The following KCNH8 variants were observed in gnomAD, a reference collection of about 807,000 sequenced individuals.
The protein encoded by KCNH8 is voltage-gated delayed rectifier potassium channel KCNH8.
A neutral mutation model predicts 103.6 loss-of-function variants in KCNH8; 70 were observed. The observed-to-expected ratio is 0.68, with a 90% CI of 0.56 to 0.82. KCNH8 has a LOEUF of 0.82. KCNH8 is among the 40% of genes least tolerant of loss of function. The pLI, the probability that KCNH8 is intolerant of heterozygous loss-of-function variation, is 0.00. For missense variants in KCNH8, 1,217 were observed against 1,329.9 expected (o/e 0.92, Z 1.32); for synonymous variants, 498 against 489.4 (o/e 1.02, Z -0.23).
In KCNH8 at chr3:19,438,155, C is replaced by T. The variant is rs1285031163; in HGVS notation, c.1178-9C>T. The T allele has an allele frequency of 1.8e-5, 29 of 1,611,924 alleles. No individual in the cohort carries two copies. Among genetic ancestry groups the T allele is most frequent in the Non-Finnish European group, 2.3e-5 (27 of 1,178,136 alleles). On this transcript the variant is annotated splice_polypyrimidine_tract_variant and intron_variant, in intron 7 of 15. Transcript: ENST00000328405. ...TCTTCTCTCATTTGCTTTATTTCCT[C>T]CTTTGCAGGTTGGCTTCATGAGTTG...
chr3:19,286,894 G>T (rs1393572289), intron 3 of KCNH8, among the ~76,000 whole-genome samples: 1 of 152,162 alleles, frequency 6.6e-6, no homozygotes, highest in Non-Finnish European at 1.5e-5. Context: ...TGTTATAGCA[G>T]CCCTAGCAAA....
At chr3:19,272,038 G>C (rs565952043) in intron 2 of KCNH8, among the ~76,000 whole-genome samples, 1 of 152,108 alleles carries the variant, frequency 6.6e-6, no homozygotes, top group Non-Finnish European at 1.5e-5. Context: ...GTAGGGTTCT[G>C]TAAGTTCTAG....
intron 5 of KCNH8, among the ~76,000 whole-genome samples, chr3:19,363,636 A>G (rs984869379): frequency 6.6e-6 from 1 of 152,160 alleles, no homozygotes; most frequent in African/African-American, 2.4e-5. Flanking sequence ...AAATGGAACT[A>G]AGGGGTAGTG....
intron 8 of KCNH8, among the ~76,000 whole-genome samples, chr3:19,442,675 A>G (rs2067300845): frequency 1.3e-5 from 2 of 152,194 alleles, no homozygotes; most frequent in Admixed American, 1.3e-4. Flanking sequence ...GAAACTATTC[A>G]TTTGAAAGTC....
chr3:19,291,530 C>T (rs1330591520), intron 3 of KCNH8, among the ~76,000 whole-genome samples: 1 of 152,196 alleles, frequency 6.6e-6, no homozygotes, highest in Admixed American at 6.5e-5. Context: ...GCAGGTTGTT[C>T]AGTTTCCATG....
chr3:19,251,805 C>G (rs969656471), intron 1 of KCNH8, among the ~76,000 whole-genome samples: 1 of 152,196 alleles, frequency 6.6e-6, no homozygotes, highest in African/African-American at 2.4e-5. Flanking sequence ...TATAGTTGCT[C>G]TCTCTAGAGA....
chr3:19,192,698 G>A (rs1326246159), intron 1 of KCNH8, among the ~76,000 whole-genome samples: 1 of 151,600 alleles, frequency 6.6e-6, no homozygotes, highest in African/African-American at 2.4e-5. Flanking sequence ...GACATAAAAT[G>A]TCTCTAGTTA....
At chr3:19,518,851 AT>A (rs1252025756) in intron 15 of KCNH8, among the ~76,000 whole-genome samples, 9 of 152,162 alleles carry the variant, frequency 5.9e-5, no homozygotes, top group Non-Finnish European at 1.2e-4. Context: ...TACTTTCTTG[AT>A]TACTGTCTTA....
rs1245965037 is a variant in KCNH8 at position 19,148,533 on chromosome 3, A to G, written c.-187A>G. 4 of 616,394 alleles carry G rather than the reference A, an allele frequency of 6.5e-6. No homozygotes were observed. Among genetic ancestry groups the G allele is most frequent in the Non-Finnish European group, 8.7e-6 (3 of 344,642 alleles). 38.2% of individuals were successfully genotyped at this position (616,394 alleles called of 1,614,324 possible). The stretch of plus-strand genomic sequence containing the variant: ...GCGCTCTTGGGGCTCCTCCTGCCAC[A>G]GCCGGGGCGGCTGGAACTCTCTCCC... On this transcript the variant is annotated 5_prime_UTR_variant, in exon 1 of 16. Coordinates refer to ENST00000328405, the MANE Select transcript of KCNH8 (RefSeq NM_144633.3).
At chr3:19,473,175 A>C (rs2067898902) in intron 11 of KCNH8, among the ~76,000 whole-genome samples, 1 of 152,224 alleles carries the variant, frequency 6.6e-6, no homozygotes, top group Admixed American at 6.5e-5. Flanking sequence ...CCACTAACAT[A>C]ATCTGCCACA....
At chr3:19,490,699 C>A (rs138450945) in intron 11 of KCNH8, among the ~76,000 whole-genome samples, 8 of 152,232 alleles carry the variant, frequency 5.3e-5, no homozygotes, top group East Asian at 1.9e-4. Flanking sequence ...GGTCTCCCCC[C>A]CTTAAAGTGA....
At chr3:19,366,654 A>G (rs914339361) in intron 5 of KCNH8, among the ~76,000 whole-genome samples, 6 of 151,978 alleles carry the variant, frequency 3.9e-5, no homozygotes, top group Non-Finnish European at 8.8e-5. Context: ...CTTTTCAAGT[A>G]TGTTTTCTTA....
At chr3:19,456,272 A>G (rs2067530880) in intron 10 of KCNH8, among the ~76,000 whole-genome samples, 1 of 152,070 alleles carries the variant, frequency 6.6e-6, no homozygotes, top group Non-Finnish European at 1.5e-5. Context: ...TATTTATGAA[A>G]AACTCAGATA....
chr3:19,193,585 T>C (rs1307863341), intron 1 of KCNH8, among the ~76,000 whole-genome samples: 1 of 151,668 alleles, frequency 6.6e-6, no homozygotes, highest in Non-Finnish European at 1.5e-5. Context: ...TTCTATAAAA[T>C]TGTCTTATAA....
At chr3:19,295,219 A>C (rs1285973649) in intron 3 of KCNH8, among the ~76,000 whole-genome samples, 2 of 151,728 alleles carry the variant, frequency 1.3e-5, no homozygotes, top group Admixed American at 1.3e-4. Context: ...GTCTGTACAA[A>C]ACATTGAAAA....
At chr3:19,495,480 G>C (rs1054307759) in intron 11 of KCNH8, among the ~76,000 whole-genome samples, 3 of 152,096 alleles carry the variant, frequency 2.0e-5, no homozygotes, top group Non-Finnish European at 4.4e-5. Context: ...CCCATTGCTG[G>C]TTTTTGTTGG....
intron 3 of KCNH8, among the ~76,000 whole-genome samples, chr3:19,319,814 C>A (rs1419438596): frequency 6.6e-6 from 1 of 151,686 alleles, no homozygotes; most frequent in East Asian, 1.9e-4. Flanking sequence ...GATATGTTTC[C>A]GTTTGTGTTG....
intron 15 of KCNH8, among the ~76,000 whole-genome samples, chr3:19,526,744 C>T (rs2069071629): frequency 6.6e-6 from 1 of 151,962 alleles, no homozygotes. Flanking sequence ...ATGAAACATT[C>T]TTACCTGCTA....
chr3:19,164,406 G>A (rs1418114254), intron 1 of KCNH8, among the ~76,000 whole-genome samples: 1 of 152,316 alleles, frequency 6.6e-6, no homozygotes, highest in Admixed American at 6.5e-5. Flanking sequence ...ACCTAATGCT[G>A]TACTTGATAT....
Sources: gnomAD v4.1 joint callset for allele counts (sites outside exome capture counted in the v4.1 genomes callset) on GRCh38, gnomAD v4.1.1 for gene constraint, MANE v1.5 for transcripts, NCBI Gene and HGNC (gene_info 2026-07-23, HGNC 2026-07-21) for gene names.